Variants in IFIT5 observed in about 807,000 individuals in gnomAD.
IFIT5 encodes the protein interferon induced protein with tetratricopeptide repeats 5, also known as interferon-induced protein with tetratricopeptide repeats 5.
In IFIT5, 2 loss-of-function variants were observed where a neutral mutation model predicts 5.0. That is an observed-to-expected ratio of 0.40 (90% CI 0.16 to 1.26). The LOEUF is 1.26. Ranked by LOEUF, IFIT5 falls within the 50% of genes most tolerant of loss-of-function variation. The probability of loss-of-function intolerance (pLI) is 0.33; values close to 1 mark genes in which losing one functional copy is unlikely to be tolerated. For missense variants in IFIT5, 524 were observed against 563.2 expected, an observed-to-expected ratio of 0.93 and a Z score of 0.70; for synonymous variants, 206 against 204.6, an observed-to-expected ratio of 1.01 and a Z score of -0.06.
rs1841561148 is a variant in IFIT5, at chr10:89,418,153, G to A, written c.954G>A (p.Glu318=). The A allele has an allele frequency of 1.2e-6, 2 of 1,614,100 alleles. No individual in the cohort carries two copies. Among genetic ancestry groups the A allele is most frequent in the East Asian group, 2.2e-5 (1 of 44,900 alleles). The change falls in exon 2 of 2, where the codon GAG becomes GAA. Residue 318 remains glutamate, a synonymous_variant. Transcript: ENST00000371795. The part of the protein sequence containing the change: ...PKGKDKLKVD[E]LISSAIFHFK... ...GAAAGGATAAACTAAAGGTTGATGAGCTGATTTCATCTGCTATATTTCATT... is the reference window on the plus strand; with the variant it reads ...GAAAGGATAAACTAAAGGTTGATGAACTGATTTCATCTGCTATATTTCATT...
At position 89,417,392 on chromosome 10, in the gene IFIT5, G is replaced by C. The variant is rs769481509; in HGVS notation, c.193G>C (p.Gly65Arg). 1 of 1,614,066 alleles carries C rather than the reference G, an allele frequency of 6.2e-7. No homozygotes were observed. The change falls in exon 2 of 2, where the codon GGC (glycine) becomes CGC (arginine). Residue 65 changes from glycine to arginine, a missense_variant. By Grantham distance (125) the Gly-to-Arg change is moderately radical. Coordinates refer to ENST00000371795, the MANE Select transcript of IFIT5 (RefSeq NM_012420.3). ...ATTGGCCTATGTGAAACACCTAAAA[G>C]GCCAAAATAAAGACGCCCTTGAGTG... ...NLLAYVKHLK[G>R]QNKDALECLE...
chr10:89,415,708 C>A (rs1215987781), intron 1 of IFIT5, among the ~76,000 whole-genome samples: 1 of 152,170 alleles, frequency 6.6e-6, no homozygotes, highest in African/African-American at 2.4e-5. Flanking sequence ...TGTTCTAAAT[C>A]CGGACTGAAC....
At chr10:89,416,344 A>C (rs1288847732) in intron 1 of IFIT5, among the ~76,000 whole-genome samples, 2 of 152,272 alleles carry the variant, frequency 1.3e-5, no homozygotes, top group Non-Finnish European at 2.9e-5. Flanking sequence ...GTATATATGC[A>C]GGATGGGGAG....
intron 1 of IFIT5, 34 bp from the exon 2 acceptor site, chr10:89,417,171 C>A (rs1264597267): frequency 6.7e-7 from 1 of 1,501,132 alleles, no homozygotes; most frequent in African/African-American, 1.4e-5. Context: ...TCTTGTATTT[C>A]TTCAAAAATT....
chr10:89,420,652 G>A lies in IFIT5; in HGVS notation c.*2004G>A, dbSNP rs1841588513. On this transcript the variant is annotated 3_prime_UTR_variant, in exon 2 of 2. Transcript: ENST00000371795. The stretch of plus-strand genomic sequence containing the variant: ...TGTGGCTGTTCTAATTACATTTTGA[G>A]TAGTAAGGTCTACAGCATTGTTCCT... 6.6e-6 allele frequency: 1 copy of A among 152,180 alleles called. No individual in the cohort carries two copies. The highest frequency in any genetic ancestry group is 2.4e-5 in the African/African-American group (1 of 41,436). The allele number at this position is 152,180 out of a possible 1,614,324, so 9.4% of individuals were successfully genotyped here.
Position 89,417,175 on chromosome 10 carries a change from A to C in IFIT5, c.6-30A>C, listed in dbSNP as rs538767085. On this transcript the variant is annotated intron_variant, in intron 1 of 1. Coordinates refer to ENST00000371795, the MANE Select transcript of IFIT5 (RefSeq NM_012420.3). Reference sequence around the variant, plus strand: ...AGAAAATTATTTCTTGTATTTCTTCAAAAATTAAAAAGTATTTTATCTTTG... The same window carrying C: ...AGAAAATTATTTCTTGTATTTCTTCCAAAATTAAAAAGTATTTTATCTTTG... The C allele has an allele frequency of 3.9e-4, 599 of 1,519,230 alleles. 4 individuals carry two copies. The South Asian group carries it at 6.0e-3, about 15-fold the overall frequency. 94.1% of individuals were successfully genotyped at this position (1,519,230 alleles called of 1,614,324 possible).
rs780684113 is a variant in IFIT5 at position 89,418,349 on chromosome 10, C to T, written c.1150C>T (p.Arg384Cys). The T allele has an allele frequency of 3.7e-6, 6 of 1,614,016 alleles. No individual in the cohort carries two copies. Among genetic ancestry groups the T allele is most frequent in the Admixed American group, 3.3e-5 (2 of 60,010 alleles). The change falls in exon 2 of 2, where the codon CGC (arginine) becomes TGC (cysteine). Residue 384 changes from arginine (R) to cysteine (C), a missense_variant. Transcript: ENST00000371795. ...ACATCAGATCCATTACCACTATGGC[C>T]GCTTTCAGGAATTTCACCGTAAATC... is the stretch of plus-strand genomic sequence containing the variant. ...HKHQIHYHYG[R>C]FQEFHRKSEN...
Position 89,418,740 on chromosome 10 carries a change from T to G in IFIT5, c.*92T>G. 8.0e-7 allele frequency: 1 copy of G among 1,257,316 alleles called. No homozygotes were observed. Among genetic ancestry groups the G allele is most frequent in the Non-Finnish European group, 1.1e-6 (1 of 908,112 alleles). 77.9% of individuals were successfully genotyped at this position (1,257,316 alleles called of 1,614,324 possible). On this transcript the variant is annotated 3_prime_UTR_variant, in exon 2 of 2. Transcript: ENST00000371795. ...TTTATTATTTTAATCCCTTGTTTATTATAGAGCTAATATTTATTGAATAGT... is the reference window on the plus strand; with the variant it reads ...TTTATTATTTTAATCCCTTGTTTATGATAGAGCTAATATTTATTGAATAGT...
chr10:89,418,132 G>A lies in IFIT5; in HGVS notation c.933G>A (p.Lys311=). The A allele has an allele frequency of 6.2e-7, 1 of 1,614,222 alleles. No homozygotes were observed. Among genetic ancestry groups the A allele is most frequent in the Non-Finnish European group, 8.5e-7 (1 of 1,180,032 alleles). ...CCACACACAACAGACCTAAAGGAAA[G>A]GATAAACTAAAGGTTGATGAGCTGA... ...KKATHNRPKG[K]DKLKVDELIS... is the part of the protein sequence containing the mutation. Residue 311 remains lysine, a synonymous_variant, in exon 2 of 2, where the codon AAG becomes AAA. Coordinates refer to ENST00000371795, the MANE Select transcript of IFIT5 (RefSeq NM_012420.3).
At chr10:89,414,937 A>G in intron 1 of IFIT5, 134 bp downstream of exon 1, 2 of 1,219,034 alleles carry the variant, frequency 1.6e-6, no homozygotes, top group Non-Finnish European at 2.2e-6. Flanking sequence ...GCAACCGGGC[A>G]TCTGCGTTGG....
intron 1 of IFIT5, among the ~76,000 whole-genome samples, chr10:89,415,150 G>A (rs1364438537): frequency 6.6e-6 from 1 of 152,186 alleles, no homozygotes; most frequent in Admixed American, 6.5e-5. Flanking sequence ...GTATGTGCCG[G>A]GCGACGCTCC....
In IFIT5 at chr10:89,417,466, A is replaced by G. The variant is rs1456562699; in HGVS notation, c.267A>G (p.Glu89=). 3 of 1,614,098 alleles carry G rather than the reference A, an allele frequency of 1.9e-6. No individual in the cohort carries two copies. Among genetic ancestry groups the G allele is most frequent in the Non-Finnish European group, 2.5e-6 (3 of 1,180,046 alleles). ...EIIQQEHSDK[E]EVRSLVTWGN... ...TCCAGCAAGAACACTCAGACAAAGA[A>G]GAAGTACGAAGCCTGGTCACTTGGG... Residue 89 remains glutamate (E), a synonymous_variant, in exon 2 of 2, where the codon GAA becomes GAG. Transcript: ENST00000371795.
rs974653818 is a variant in IFIT5, at chr10:89,414,687, G to GCGCGCACGCGCA, written c.-102_-91dup. The GCGCGCACGCGCA allele has an allele frequency of 6.7e-6, 9 of 1,349,868 alleles. No homozygotes were observed. The African/African-American group carries it at 7.6e-5, about 11-fold the overall frequency. 83.6% of individuals were successfully genotyped at this position (1,349,868 alleles called of 1,614,324 possible). ...AGTCCAGGGGCTGCAGAGGCCTGGC[G>GCGCGCACGCGCA]CGCGCACGCGCACGCGCACGCCCAC... On this transcript the variant is annotated 5_prime_UTR_variant, in exon 1 of 2. Transcript: ENST00000371795.
rs1358738149 is a variant in IFIT5, at chr10:89,418,348, C to G, written c.1149C>G (p.Gly383=). Residue 383 remains glycine, a synonymous_variant, in exon 2 of 2, where the codon GGC becomes GGG. Transcript: ENST00000371795. ...AACATCAGATCCATTACCACTATGG[C>G]CGCTTTCAGGAATTTCACCGTAAAT... ...DHKHQIHYHY[G]RFQEFHRKSE... is the part of the protein sequence containing the mutation. 6.2e-7 allele frequency: 1 copy of G among 1,614,166 alleles called. No homozygotes were observed.
chr10:89,415,219 G>A (rs1337917102), intron 1 of IFIT5, among the ~76,000 whole-genome samples: 1 of 152,218 alleles, frequency 6.6e-6, no homozygotes, highest in East Asian at 1.9e-4. Flanking sequence ...CGGCGACGGT[G>A]ACCGTGCTGG....
chr10:89,414,695 G>A lies in IFIT5; in HGVS notation c.-104G>A. 1 of 1,416,282 alleles carries A rather than the reference G, an allele frequency of 7.1e-7. No individual in the cohort carries two copies. Among genetic ancestry groups the A allele is most frequent in the Non-Finnish European group, 9.3e-7 (1 of 1,071,080 alleles). 87.7% of individuals were successfully genotyped at this position (1,416,282 alleles called of 1,614,324 possible). A position where few individuals can be genotyped will look rare whatever the true frequency, so the allele number is the denominator to read the frequency against. On this transcript the variant is annotated 5_prime_UTR_variant, in exon 1 of 2. Coordinates refer to ENST00000371795, the MANE Select transcript of IFIT5 (RefSeq NM_012420.3). ...GGCTGCAGAGGCCTGGCGCGCGCAC[G>A]CGCACGCGCACGCCCACCGCGCGGC...
chr10:89,418,602 A>G lies in IFIT5; in HGVS notation c.1403A>G (p.Asn468Ser), dbSNP rs142594899. 13 of 1,614,006 alleles carry G rather than the reference A, an allele frequency of 8.1e-6. No homozygotes were observed. The highest frequency in any genetic ancestry group is 1.1e-5 in the Non-Finnish European group (13 of 1,180,006). Reference sequence around the variant, plus strand: ...AAGGCACAAAAGATAGATCCAGAAAATGCAGAATTCCTGACTGCTCTCTGT... The same window carrying G: ...AAGGCACAAAAGATAGATCCAGAAAGTGCAGAATTCCTGACTGCTCTCTGT... ...YEKAQKIDPE[N>S]AEFLTALCEL... Residue 468 changes from asparagine (N) to serine (S), a missense_variant, in exon 2 of 2, where the codon AAT becomes AGT. Physicochemically the swap from Asn to Ser is conservative, Grantham distance 46. Coordinates refer to ENST00000371795, the MANE Select transcript of IFIT5 (RefSeq NM_012420.3).
intron 1 of IFIT5, 30 bp downstream of exon 1, chr10:89,414,833 A>G (rs199624560): frequency 1.3e-5 from 21 of 1,606,534 alleles, no homozygotes; most frequent in Middle Eastern, 3.4e-4. Context: ...TCTCCTCCCA[A>G]GCCCTGCGTC....
rs2133653857 is a variant in IFIT5 at position 89,417,710 on chromosome 10, C to T, written c.511C>T (p.Pro171Ser). 4.3e-6 allele frequency: 7 copies of T among 1,614,090 alleles called. No individual in the cohort carries two copies. In the East Asian group the frequency reaches 1.3e-4, roughly 31 times the overall value. Residue 171 changes from proline (P) to serine (S), a missense_variant, in exon 2 of 2, where the codon CCT becomes TCT. Physicochemically the swap from Pro to Ser is moderately conservative, Grantham distance 74. Coordinates refer to ENST00000371795, the MANE Select transcript of IFIT5 (RefSeq NM_012420.3). ...AAFEKALEVE[P>S]DNPEFNIGYA... ...TTTTGAGAAGGCTCTGGAAGTGGAG[C>T]CTGACAATCCAGAATTTAACATCGG... is the stretch of plus-strand genomic sequence containing the variant.
Sources: allele counts gnomAD v4.1 joint callset (sites outside exome capture counted in the v4.1 genomes callset), GRCh38; gene constraint gnomAD v4.1.1; transcripts MANE v1.5; gene names NCBI Gene and HGNC (gene_info 2026-07-23, HGNC 2026-07-21).